The following CNOT2 variants were observed in gnomAD, a reference collection of about 807,000 sequenced individuals.
CNOT2 encodes the protein CCR4-NOT transcription complex subunit 2, also known as CC chemokine receptor 4-negative regulator of transcription 2.
CNOT2 carries 7 observed loss-of-function variants against 72.1 expected under a neutral mutation model. The observed-to-expected ratio is 0.10, with a 90% CI of 0.06 to 0.18. CNOT2 has a LOEUF of 0.18. Ranked by LOEUF, CNOT2 falls within the 10% of genes least tolerant of loss-of-function variation. The pLI is 1.00. For synonymous variants in CNOT2, 196 were observed against 225.6 expected (o/e 0.87, Z 1.17); for missense variants, 345 against 660.3 (o/e 0.52, Z 5.23).
intron 1 of CNOT2, among the ~76,000 whole-genome samples, chr12:70,257,353 C>CTTTTTTTTT (rs1565733065): frequency 5.8e-5 from 8 of 139,000 alleles, no homozygotes; most frequent in African/African-American, 2.2e-4. Context: ...CCAACTACCC[C>CTTTTTTTTT]CTTTTTTTTT....
intron 4 of CNOT2, among the ~76,000 whole-genome samples, chr12:70,320,766 A>G (rs920156725): frequency 6.6e-6 from 1 of 151,768 alleles, no homozygotes; most frequent in Admixed American, 6.6e-5. Flanking sequence ...TCACAGCAGA[A>G]AGTAGATATG....
At chr12:70,327,154 G>T (rs947936379) in intron 4 of CNOT2, among the ~76,000 whole-genome samples, 1 of 151,830 alleles carries the variant, frequency 6.6e-6, no homozygotes, top group African/African-American at 2.4e-5. Flanking sequence ...GGCCAAAAGG[G>T]CACTAATTTT....
intron 11 of CNOT2, among the ~76,000 whole-genome samples, chr12:70,341,561 A>C (rs955440742): frequency 1.3e-5 from 2 of 152,074 alleles, no homozygotes; most frequent in African/African-American, 4.8e-5. Context: ...GTCCCCCTCC[A>C]ATCCACCATC....
intron 9 of CNOT2, chr12:70,337,886 T>G (rs1055631460): frequency 1.6e-4 from 59 of 378,740 alleles, no homozygotes; most frequent in African/African-American, 1.3e-3. Context: ...CAACTCAGCT[T>G]CTTCTTTCTG....
chr12:70,341,138 G>A (rs541093056), intron 11 of CNOT2, among the ~76,000 whole-genome samples: 65 of 152,010 alleles, frequency 4.3e-4, no homozygotes, highest in African/African-American at 1.6e-3. Context: ...TGCCCACCTT[G>A]GCCTTCCAGA....
intron 2 of CNOT2, among the ~76,000 whole-genome samples, chr12:70,305,039 G>A (rs1421673536): frequency 3.9e-5 from 6 of 152,214 alleles, no homozygotes; most frequent in East Asian, 1.9e-4. Flanking sequence ...ATTAGGGTGG[G>A]AGTGACCCGA....
chr12:70,345,822 T>C (rs1288963274), intron 14 of CNOT2: 1 of 166,354 alleles, frequency 6.0e-6, no homozygotes, highest in African/African-American at 2.4e-5. Context: ...TTTTGAGTGT[T>C]AAGAAGAGCA....
At chr12:70,275,802 A>G (rs1868689022) in intron 1 of CNOT2, among the ~76,000 whole-genome samples, 1 of 152,030 alleles carries the variant, frequency 6.6e-6, no homozygotes, top group African/African-American at 2.4e-5. Context: ...TCTTTGACGT[A>G]TTGTACATCC....
In CNOT2 at chr12:70,354,056, A is replaced by G; in HGVS notation, c.*141A>G. 7.2e-7 allele frequency: 1 copy of G among 1,383,660 alleles called. No homozygotes were observed. Among genetic ancestry groups the G allele is most frequent in the Non-Finnish European group, 9.4e-7 (1 of 1,060,024 alleles). 85.7% of individuals were successfully genotyped at this position (1,383,660 alleles called of 1,614,324 possible). A position where few individuals can be genotyped will look rare whatever the true frequency, so the allele number is the denominator to read the frequency against. On this transcript the variant is annotated 3_prime_UTR_variant, in exon 16 of 16. Coordinates refer to ENST00000229195, the MANE Select transcript of CNOT2 (RefSeq NM_014515.7). ...TGAGGATCTGGCAATTGGCTTACGCAAAAGGTCACCATTTGAGGTCCTGCC... is the reference window on the plus strand; with the variant it reads ...TGAGGATCTGGCAATTGGCTTACGCGAAAGGTCACCATTTGAGGTCCTGCC...
chr12:70,268,132 C>T (rs1204386020), intron 1 of CNOT2, among the ~76,000 whole-genome samples: 1 of 152,148 alleles, frequency 6.6e-6, no homozygotes, highest in Non-Finnish European at 1.5e-5. Flanking sequence ...AAGAATCTTC[C>T]TTTCTTTATA....
chr12:70,253,007 C>T (rs1958226504), intron 1 of CNOT2, among the ~76,000 whole-genome samples: 1 of 152,168 alleles, frequency 6.6e-6, no homozygotes, highest in Admixed American at 6.5e-5. Context: ...CAGTCTTGCT[C>T]TTAGAGTCTA....
rs900955167 is a variant in CNOT2 at position 70,342,175 on chromosome 12, G to T, written c.1240+7G>T. 6.2e-7 allele frequency: 1 copy of T among 1,611,930 alleles called. No homozygotes were observed. Among genetic ancestry groups the T allele is most frequent in the Non-Finnish European group, 8.5e-7 (1 of 1,178,060 alleles). The stretch of plus-strand genomic sequence containing the variant: ...TGTCGACCTCAAGACATAGGTAGGA[G>T]AATCTATTTGTGTTTAGACCTTTTA... On this transcript the variant is annotated splice_region_variant and intron_variant, in intron 12 of 15. Transcript: ENST00000229195.
chr12:70,348,473 C>T (rs2136087344), intron 15 of CNOT2, among the ~76,000 whole-genome samples: 1 of 152,122 alleles, frequency 6.6e-6, no homozygotes, highest in East Asian at 1.9e-4. Context: ...TTAGGTGATG[C>T]TACAGGAGTC....
intron 2 of CNOT2, chr12:70,294,438 C>A: frequency 2.4e-6 from 1 of 420,868 alleles, no homozygotes; most frequent in South Asian, 2.5e-5. Context: ...TCATAAAACT[C>A]ATAAATTATT....
Position 70,327,890 on chromosome 12 carries a change from G to A in CNOT2, c.239-1533G>A, listed in dbSNP as rs1593244576. Among the ~76,000 whole-genome samples the A allele has an allele frequency of 2.0e-5, 3 of 151,904 alleles. No homozygotes were observed. The East Asian group carries it at 5.9e-4, about 30-fold the overall frequency. On this transcript the variant is annotated intron_variant, in intron 4 of 15. Transcript: ENST00000229195. Reference sequence around the variant, plus strand: ...AGAAAAATGGTGTGCTTTAGGGAGGGAAAAGACAGATTTCTTCTGAAGAAA... The same window carrying A: ...AGAAAAATGGTGTGCTTTAGGGAGGAAAAAGACAGATTTCTTCTGAAGAAA...
intron 15 of CNOT2, among the ~76,000 whole-genome samples, chr12:70,352,260 C>G (rs1323143522): frequency 1.3e-5 from 2 of 152,000 alleles, no homozygotes; most frequent in East Asian, 3.9e-4. Flanking sequence ...TTACTGATGA[C>G]TTGTCCAAGT....
Position 70,311,004 on chromosome 12 carries a change from G to A in CNOT2, c.158G>A (p.Arg53Gln). 1.3e-6 allele frequency: 2 copies of A among 1,598,570 alleles called. No individual in the cohort carries two copies. The highest frequency in any genetic ancestry group is 1.7e-6 in the Non-Finnish European group (2 of 1,166,946). Residue 53 changes from arginine to glutamine, a missense_variant, in exon 3 of 16, where the codon CGG (arginine) becomes CAG (glutamine). By Grantham distance (43) the Arg-to-Gln change is conservative. Coordinates refer to ENST00000229195, the MANE Select transcript of CNOT2 (RefSeq NM_014515.7). ...AGCCAGTCTTCTATGTTTCCACATCGGTCAGAAAAAGATGTAAGTTAATCA... is the reference window on the plus strand; with the variant it reads ...AGCCAGTCTTCTATGTTTCCACATCAGTCAGAAAAAGATGTAAGTTAATCA... ...YYSQSSMFPH[R>Q]SEKDMLASPS...
At chr12:70,337,275 C>T (rs751206936) in intron 8 of CNOT2, 114 bp from the exon 9 acceptor site, 20 of 768,438 alleles carry the variant, frequency 2.6e-5, no homozygotes, top group Non-Finnish European at 3.9e-5. Context: ...GCTTTCATAG[C>T]ATTAAAAAAA....
At chr12:70,329,727 T>C in intron 5 of CNOT2, 157 bp downstream of exon 5, 1 of 624,758 alleles carries the variant, frequency 1.6e-6, no homozygotes, top group East Asian at 2.8e-5. Flanking sequence ...CAGTGCAAAT[T>C]GTTAAGTACA....
Sources: allele counts gnomAD v4.1 joint callset (sites outside exome capture counted in the v4.1 genomes callset), GRCh38; gene constraint gnomAD v4.1.1; transcripts MANE v1.5; gene names NCBI Gene and HGNC (gene_info 2026-07-23, HGNC 2026-07-21).